The following OOSP1 variants were observed in gnomAD, a reference collection of about 807,000 sequenced individuals.
OOSP1 encodes putative oocyte-secreted protein 1 homolog.
A neutral mutation model predicts 5.7 loss-of-function variants in OOSP1; 11 were observed. The observed-to-expected ratio is 1.94, with a 90% CI of 1.22 to 3.20. The LOEUF is 3.20. OOSP1 is among the 30% of genes most tolerant of loss of function. OOSP1 has a pLI of 0.00. For synonymous variants in OOSP1, 44 were observed against 20.0 expected, an observed-to-expected ratio of 2.20 and a Z score of -3.20; for missense variants, 83 against 54.1, an observed-to-expected ratio of 1.53 and a Z score of -1.67.
At chr11:59,951,718 T>C (rs1853941447) in intron 4 of OOSP1, among the ~76,000 whole-genome samples, 1 of 151,590 alleles carries the variant, frequency 6.6e-6, no homozygotes, top group African/African-American at 2.4e-5. Context: ...GCATTTTTTT[T>C]TTTTTTTTTG....
chr11:59,957,160 G>T, intron 4 of OOSP1, 35 bp from the exon 5 acceptor site: 1 of 397,180 alleles, frequency 2.5e-6, no homozygotes, highest in South Asian at 1.3e-4. Context: ...TAATGTAATT[G>T]ATGAATCTAC....
exon 3 of OOSP1, chr11:59,945,227 C>T: frequency 2.8e-6 from 2 of 703,016 alleles, no homozygotes; most frequent in East Asian, 5.4e-5. Context: ...AGAGACTCTA[C>T]TGTCCGATCT....
chr11:59,938,578 A>G (rs1002437643), intron 1 of OOSP1, 48 bp downstream of exon 1: 6 of 459,876 alleles, frequency 1.3e-5, no homozygotes, highest in Non-Finnish European at 2.4e-5. Flanking sequence ...GAGAGCTGAA[A>G]GATGTGGCTT....
intron 3 of OOSP1, among the ~76,000 whole-genome samples, chr11:59,945,588 A>G (rs1565231924): frequency 7.0e-6 from 1 of 142,246 alleles, no homozygotes; most frequent in Non-Finnish European, 1.5e-5. Flanking sequence ...AAAAATACCA[A>G]AAAAAAAAAA....
chr11:59,939,230 T>C (rs1853800234), intron 1 of OOSP1, among the ~76,000 whole-genome samples: 1 of 151,196 alleles, frequency 6.6e-6, no homozygotes, highest in South Asian at 2.1e-4. Flanking sequence ...TTCTTTCCCT[T>C]CCTTCCTCCT....
chr11:59,945,777 A>AAAAAG (rs1853876809), intron 3 of OOSP1, among the ~76,000 whole-genome samples: 1 of 144,522 alleles, frequency 6.9e-6, no homozygotes, highest in African/African-American at 2.5e-5. Context: ...AAAAAAAAAA[A>AAAAAG]TGTCAGAGAC....
intron 1 of OOSP1, among the ~76,000 whole-genome samples, chr11:59,941,625 G>A (rs557454989): frequency 1.9e-4 from 29 of 152,122 alleles, no homozygotes; most frequent in African/African-American, 5.8e-4. Context: ...TGATCCACCC[G>A]GCTCGCCCTC....
At chr11:59,956,258 G>A (rs1385872625) in intron 4 of OOSP1, among the ~76,000 whole-genome samples, 1 of 150,756 alleles carries the variant, frequency 6.6e-6, no homozygotes, top group Non-Finnish European at 1.5e-5. Flanking sequence ...AAGGTGGGTT[G>A]TGAACCAAAA....
intron 4 of OOSP1, among the ~76,000 whole-genome samples, chr11:59,956,789 G>A (rs776254748): frequency 6.6e-6 from 1 of 152,118 alleles, no homozygotes; most frequent in South Asian, 2.1e-4. Flanking sequence ...CCACATATAA[G>A]TGAGAACATA....
chr11:59,946,689 G>C (rs1432937951), intron 3 of OOSP1, among the ~76,000 whole-genome samples: 1 of 152,142 alleles, frequency 6.6e-6, no homozygotes, highest in Admixed American at 6.5e-5. Flanking sequence ...CAAGTTTCCT[G>C]AAGGCAATAG....
chr11:59,944,320 A>G (rs2134566442), intron 2 of OOSP1, among the ~76,000 whole-genome samples: 1 of 119,616 alleles, frequency 8.4e-6, no homozygotes, highest in South Asian at 3.1e-4. Context: ...ACACCACAGC[A>G]GGTATTAGGG....
chr11:59,943,165 A>T, intron 2 of OOSP1, 137 bp downstream of exon 2: 1 of 196,690 alleles, frequency 5.1e-6, no homozygotes, highest in Non-Finnish European at 9.5e-6. Context: ...TCCTTGCGAT[A>T]GTTTGCTAAG....
chr11:59,943,866 G>A (rs1284886502), intron 2 of OOSP1, among the ~76,000 whole-genome samples: 1 of 152,148 alleles, frequency 6.6e-6, no homozygotes, highest in African/African-American at 2.4e-5. Flanking sequence ...GTAAAATCTT[G>A]CTATGATATT....
chr11:59,953,993 C>G (rs555135935), intron 4 of OOSP1, among the ~76,000 whole-genome samples: 1 of 152,246 alleles, frequency 6.6e-6, no homozygotes, highest in African/African-American at 2.4e-5. Context: ...TTACACAAAC[C>G]TAGATGGCAT....
chr11:59,945,258 C>T (rs1341814340), exon 3 of OOSP1: 4 of 702,984 alleles, frequency 5.7e-6, no homozygotes, highest in South Asian at 1.5e-5. Flanking sequence ...TGTCGTGTGT[C>T]GTCCACAAGT....
intron 4 of OOSP1, among the ~76,000 whole-genome samples, chr11:59,951,977 G>GA (rs1178491939): frequency 6.6e-6 from 1 of 151,858 alleles, no homozygotes; most frequent in East Asian, 1.9e-4. Flanking sequence ...ATAGCTAAGA[G>GA]AAAAAATATT....
intron 1 of OOSP1, among the ~76,000 whole-genome samples, 193 bp downstream of exon 1, chr11:59,938,723 T>G (rs1157088987): frequency 6.6e-6 from 1 of 152,216 alleles, no homozygotes; most frequent in African/African-American, 2.4e-5. Flanking sequence ...GACTAGGGAA[T>G]GTGCCCTAAC....
intron 4 of OOSP1, among the ~76,000 whole-genome samples, chr11:59,952,791 C>A (rs560962103): frequency 6.6e-6 from 1 of 152,148 alleles, no homozygotes; most frequent in South Asian, 2.1e-4. Context: ...CTATTGAAAC[C>A]AAAAAATTCC....
chr11:59,951,230 C>A (rs11606245), intron 4 of OOSP1, among the ~76,000 whole-genome samples: 41 of 151,162 alleles, frequency 2.7e-4, no homozygotes, highest in Middle Eastern at 3.4e-3. Context: ...TCCACAATAA[C>A]AGATCCTAAA....
Sources: allele counts gnomAD v4.1 joint callset (sites outside exome capture counted in the v4.1 genomes callset), GRCh38; gene constraint gnomAD v4.1.1; transcripts MANE v1.5; gene names NCBI Gene and HGNC (gene_info 2026-07-23, HGNC 2026-07-21).